Variants in JMY observed in about 807,000 individuals in gnomAD.
JMY encodes junction mediating and regulatory protein, p53 cofactor.
In JMY, 46 loss-of-function variants were observed where a neutral mutation model predicts 103.3. That is an observed-to-expected ratio of 0.45 (90% CI 0.35 to 0.57). JMY has a LOEUF of 0.57. JMY is among the 20% of genes least tolerant of loss of function. The pLI, the probability that JMY is intolerant of heterozygous loss-of-function variation, is 0.00. For missense variants in JMY, 1,238 were observed against 1,255.2 expected (o/e 0.99, Z 0.21); for synonymous variants, 526 against 489.3 (o/e 1.07, Z -0.99).
In JMY at chr5:79,236,774, T is replaced by C. The variant is rs1744516435; in HGVS notation, c.124T>C (p.Phe42Leu). 1 of 1,511,820 alleles carries C rather than the reference T, an allele frequency of 6.6e-7. No individual in the cohort carries two copies. Among genetic ancestry groups the C allele is most frequent in the Admixed American group, 2.1e-5 (1 of 46,780 alleles). 93.7% of individuals were successfully genotyped at this position (1,511,820 alleles called of 1,614,324 possible). The change falls in exon 1 of 11, where the codon TTT becomes CTT. Residue 42 changes from phenylalanine to leucine, a missense_variant. Coordinates refer to ENST00000396137, the MANE Select transcript of JMY (RefSeq NM_152405.5). ...IVAWNEIEGKFAITCHNRTAQ... is the reference protein window; with the variant it reads ...IVAWNEIEGKLAITCHNRTAQ... ...GGCCTGGAACGAGATTGAGGGCAAGTTTGCCATAACCTGCCACAACCGGAC... is the reference window on the plus strand; with the variant it reads ...GGCCTGGAACGAGATTGAGGGCAAGCTTGCCATAACCTGCCACAACCGGAC...
At chr5:79,275,790 G>A (rs1745921164) in intron 1 of JMY, among the ~76,000 whole-genome samples, 1 of 152,088 alleles carries the variant, frequency 6.6e-6, no homozygotes, top group Admixed American at 6.6e-5. Flanking sequence ...TATTTGTTTG[G>A]CACTTTTTTT....
chr5:79,265,780 CTTTTTTTTTT>C (rs34354467), intron 1 of JMY, among the ~76,000 whole-genome samples: 1 of 116,198 alleles, frequency 8.6e-6, no homozygotes, highest in East Asian at 2.5e-4. Context: ...TGTGATGATT[CTTTTTTTTTT>C]TTTTTTTTTT....
chr5:79,270,703 T>A, intron 1 of JMY, among the ~76,000 whole-genome samples: 1 of 146,528 alleles, frequency 6.8e-6, no homozygotes, highest in African/African-American at 2.5e-5. Context: ...ATTTATATAT[T>A]ATATATTTAT....
intron 10 of JMY, among the ~76,000 whole-genome samples, chr5:79,318,716 A>G (rs573854457): frequency 8.6e-5 from 13 of 151,454 alleles, no homozygotes; most frequent in African/African-American, 3.1e-4. Context: ...TTGCTTGTAC[A>G]TATGTCCACT....
chr5:79,244,370 C>T (rs564715971), intron 1 of JMY, among the ~76,000 whole-genome samples: 1 of 152,192 alleles, frequency 6.6e-6, no homozygotes, highest in African/African-American at 2.4e-5. Flanking sequence ...TTAGACAACA[C>T]TTCAGTGATA....
At chr5:79,280,294 A>C (rs978054473) in intron 2 of JMY, among the ~76,000 whole-genome samples, 1 of 152,194 alleles carries the variant, frequency 6.6e-6, no homozygotes, top group African/African-American at 2.4e-5. Context: ...AGCACTGACT[A>C]TCCAGAATCT....
rs1430581212 is a variant in JMY at position 79,324,632 on chromosome 5, T to G, written c.*3030T>G. The stretch of plus-strand genomic sequence containing the variant: ...AATTATTTAAAATCATTGTGTATAT[T>G]ACAGCAGTATGAGGAATGCCTGGCT... On this transcript the variant is annotated 3_prime_UTR_variant, in exon 11 of 11. Coordinates refer to ENST00000396137, the MANE Select transcript of JMY (RefSeq NM_152405.5). 3 of 152,214 alleles carry G rather than the reference T, an allele frequency of 2.0e-5. No homozygotes were observed. The highest frequency in any genetic ancestry group is 7.2e-5 in the African/African-American group (3 of 41,468). 9.4% of individuals were successfully genotyped at this position (152,214 alleles called of 1,614,324 possible).
intron 6 of JMY, among the ~76,000 whole-genome samples, chr5:79,301,268 C>T (rs979466156): frequency 6.6e-6 from 1 of 152,134 alleles, no homozygotes; most frequent in African/African-American, 2.4e-5. Context: ...TGGAATGACT[C>T]ATTTTGTGGA....
intron 1 of JMY, among the ~76,000 whole-genome samples, chr5:79,272,474 C>T (rs568493188): frequency 3.9e-4 from 59 of 151,622 alleles, no homozygotes; most frequent in Admixed American, 5.9e-4. Context: ...ATGAAAATAG[C>T]GTGTAGTTTT....
chr5:79,279,971 G>A (rs1441222998), intron 2 of JMY, among the ~76,000 whole-genome samples: 1 of 152,138 alleles, frequency 6.6e-6, no homozygotes. Flanking sequence ...AGCCCCACAA[G>A]TAGCTGGGAC....
chr5:79,263,016 C>T (rs1745471009), intron 1 of JMY, among the ~76,000 whole-genome samples: 1 of 152,118 alleles, frequency 6.6e-6, no homozygotes, highest in Non-Finnish European at 1.5e-5. Flanking sequence ...CCAAAGAAGC[C>T]TAGTGTTTGA....
At chr5:79,254,301 T>G (rs1469918294) in intron 1 of JMY, among the ~76,000 whole-genome samples, 1 of 152,110 alleles carries the variant, frequency 6.6e-6, no homozygotes, top group Non-Finnish European at 1.5e-5. Context: ...CTTTTCTTTC[T>G]GATTGAAGTA....
intron 10 of JMY, among the ~76,000 whole-genome samples, chr5:79,316,802 AGGCT>A (rs1747239229): frequency 6.8e-6 from 1 of 146,604 alleles, no homozygotes; most frequent in African/African-American, 2.5e-5. Flanking sequence ...GCTACTCGAG[AGGCT>A]GAGGCAAGAG....
At chr5:79,260,230 G>A (rs538237824) in intron 1 of JMY, among the ~76,000 whole-genome samples, 127 of 152,228 alleles carry the variant, frequency 8.3e-4, no homozygotes, top group Non-Finnish European at 1.7e-3. Flanking sequence ...TTGAGGCTGT[G>A]GCGGAGACTC....
In JMY at chr5:79,278,081, A is replaced by T; in HGVS notation, c.1204A>T (p.Lys402Ter). 6.2e-7 allele frequency: 1 copy of T among 1,607,834 alleles called. No individual in the cohort carries two copies. Among genetic ancestry groups the T allele is most frequent in the East Asian group, 2.2e-5 (1 of 44,744 alleles). ...TGCCATGCTACGAAGACAGCAGATC[A>T]AGGTATTTTTTTATTAATCCTAACT... ...ELAMLRRQQI[K>*]ISMENDYLGP... is the part of the protein sequence containing the mutation. Residue 402 changes from lysine (K) to a stop codon, truncating the protein, a stop_gained and splice_region_variant, in exon 2 of 11, where the codon AAG becomes TAG. Transcript: ENST00000396137. LOFTEE classifies it high-confidence loss of function.
At chr5:79,240,201 AGAT>A (rs1283753721) in intron 1 of JMY, among the ~76,000 whole-genome samples, 8 of 151,718 alleles carry the variant, frequency 5.3e-5, no homozygotes, top group Non-Finnish European at 7.4e-5. Flanking sequence ...TTTTTAGTAG[AGAT>A]GGGGTTTTAC....
At chr5:79,239,982 G>C (rs1405083441) in intron 1 of JMY, among the ~76,000 whole-genome samples, 1 of 151,380 alleles carries the variant, frequency 6.6e-6, no homozygotes, top group African/African-American at 2.4e-5. Flanking sequence ...TGACCATAAT[G>C]ATTTATTTTC....
intron 1 of JMY, among the ~76,000 whole-genome samples, chr5:79,267,233 CTT>C (rs1399354249): frequency 6.6e-6 from 1 of 152,046 alleles, no homozygotes; most frequent in Admixed American, 6.6e-5. Flanking sequence ...GTTTGTTTTC[CTT>C]TTTTATAAAA....
chr5:79,290,760 G>A (rs1431259720), intron 3 of JMY, among the ~76,000 whole-genome samples: 1 of 152,170 alleles, frequency 6.6e-6, no homozygotes, highest in African/African-American at 2.4e-5. Context: ...GGCCGAGGCA[G>A]GTGGATCACA....
Sources: gnomAD v4.1 joint callset for allele counts (sites outside exome capture counted in the v4.1 genomes callset) on GRCh38, gnomAD v4.1.1 for gene constraint, MANE v1.5 for transcripts, NCBI Gene and HGNC (gene_info 2026-07-23, HGNC 2026-07-21) for gene names.